Variants in CCDC102B observed in about 807,000 individuals in gnomAD.
CCDC102B encodes coiled-coil domain containing 102B.
In CCDC102B, 75 loss-of-function variants were observed where a neutral mutation model predicts 57.4. The ratio of observed to expected loss-of-function variants is 1.31; its 90% CI spans 1.08 to 1.58. CCDC102B has a LOEUF of 1.58. Ranked by LOEUF, CCDC102B falls within the 40% of genes most tolerant of loss-of-function variation. The pLI is 0.00. For synonymous variants in CCDC102B, 206 were observed against 201.9 expected, an observed-to-expected ratio of 1.02 and a Z score of -0.17; for missense variants, 636 against 582.6, an observed-to-expected ratio of 1.09 and a Z score of -0.94.
chr18:69,011,908 T>C (rs1599845905), intron 7 of CCDC102B, among the ~76,000 whole-genome samples: 1 of 152,178 alleles, frequency 6.6e-6, no homozygotes, highest in East Asian at 1.9e-4. Flanking sequence ...AGTAATTTAA[T>C]AATCAAACTT....
chr18:68,998,241 T>G (rs1237355491), intron 6 of CCDC102B, among the ~76,000 whole-genome samples: 2 of 151,942 alleles, frequency 1.3e-5, no homozygotes, highest in East Asian at 3.9e-4. Context: ...AGCTAAATTC[T>G]CAATTTAACT....
intron 1 of CCDC102B, among the ~76,000 whole-genome samples, chr18:68,827,971 C>T (rs1031914398): frequency 2.6e-5 from 4 of 151,868 alleles, no homozygotes; most frequent in East Asian, 3.9e-4. Flanking sequence ...AAACCCAACA[C>T]AGACACGGAG....
At chr18:68,902,144 G>C (rs1255130559) in intron 6 of CCDC102B, 1 of 152,116 alleles carries the variant, frequency 6.6e-6, no homozygotes, top group East Asian at 1.9e-4. Flanking sequence ...TCTACTACCA[G>C]AGTTATTTTT....
At chr18:68,879,990 C>T (rs1042482683) in intron 5 of CCDC102B, among the ~76,000 whole-genome samples, 15 of 152,334 alleles carry the variant, frequency 9.8e-5, no homozygotes, top group East Asian at 3.9e-4. Context: ...CTGTGCAGTG[C>T]GCATGCACTC....
intron 3 of CCDC102B, among the ~76,000 whole-genome samples, chr18:68,844,846 T>C (rs2144812786): frequency 6.6e-6 from 1 of 152,080 alleles, no homozygotes; most frequent in African/African-American, 2.4e-5. Context: ...TACTTTTCTA[T>C]CTGAAATTGT....
At chr18:69,053,395 C>T (rs2052755846) in intron 7 of CCDC102B, among the ~76,000 whole-genome samples, 1 of 150,858 alleles carries the variant, frequency 6.6e-6, no homozygotes, top group Non-Finnish European at 1.5e-5. Flanking sequence ...TGTTCAAAGC[C>T]ATGGGAATAA....
intron 2 of CCDC102B, among the ~76,000 whole-genome samples, chr18:68,752,769 T>C (rs1209929407): frequency 6.6e-6 from 1 of 152,212 alleles, no homozygotes; most frequent in Non-Finnish European, 1.5e-5. Context: ...TTTTGTATGA[T>C]TACAAGAGAT....
At chr18:68,870,103 C>T (rs1211516543) in intron 4 of CCDC102B, among the ~76,000 whole-genome samples, 1 of 152,058 alleles carries the variant, frequency 6.6e-6, no homozygotes, top group African/African-American at 2.4e-5. Context: ...GAACAGAAAA[C>T]CAAACACCGC....
At chr18:68,781,452 A>G (rs1474664581) in intron 2 of CCDC102B, among the ~76,000 whole-genome samples, 1 of 152,098 alleles carries the variant, frequency 6.6e-6, no homozygotes, top group Non-Finnish European at 1.5e-5. Flanking sequence ...TGGGGATTCC[A>G]TGGATGACCT....
chr18:68,865,682 T>G (rs2038947379), intron 4 of CCDC102B, among the ~76,000 whole-genome samples: 1 of 152,044 alleles, frequency 6.6e-6, no homozygotes. Flanking sequence ...TTTGCCAGAG[T>G]GAAAAAACAC....
At chr18:68,853,414 A>G (rs1271910265) in intron 4 of CCDC102B, among the ~76,000 whole-genome samples, 1 of 152,064 alleles carries the variant, frequency 6.6e-6, no homozygotes. Context: ...TGGAAAAAAG[A>G]CTAAATGCTA....
intron 6 of CCDC102B, among the ~76,000 whole-genome samples, chr18:68,978,035 T>C (rs1435997135): frequency 6.6e-6 from 1 of 151,970 alleles, no homozygotes. Flanking sequence ...AATGTGAAGG[T>C]AACAACTCAA....
At chr18:68,899,524 A>G (rs1454117359) in intron 6 of CCDC102B, among the ~76,000 whole-genome samples, 3 of 152,072 alleles carry the variant, frequency 2.0e-5, no homozygotes, top group African/African-American at 7.2e-5. Flanking sequence ...AGGTGCTAGC[A>G]TGTAAGGGAC....
At chr18:68,797,334 GT>G (rs1425689512), upstream of CCDC102B, among the ~76,000 whole-genome samples, 1 of 152,088 alleles carries the variant, frequency 6.6e-6, no homozygotes, top group Non-Finnish European at 1.5e-5. Context: ...AGGCTATCCT[GT>G]TACCTTTTGA....
At chr18:68,718,834 T>G (rs1178462786) in intron 2 of CCDC102B, among the ~76,000 whole-genome samples, 1 of 152,174 alleles carries the variant, frequency 6.6e-6, no homozygotes, top group East Asian at 1.9e-4. Flanking sequence ...GCATGTCTCA[T>G]TTAGTGGTGT....
chr18:69,048,869 AGAG>A (rs2052629522), intron 7 of CCDC102B, among the ~76,000 whole-genome samples: 1 of 152,084 alleles, frequency 6.6e-6, no homozygotes. Context: ...GACTTTGTAT[AGAG>A]GAGGATTGAT....
intron 6 of CCDC102B, among the ~76,000 whole-genome samples, chr18:68,997,430 G>C (rs1376554674): frequency 6.6e-6 from 1 of 152,048 alleles, no homozygotes; most frequent in African/African-American, 2.4e-5. Flanking sequence ...TTATCGGTAA[G>C]CATGTGCTTA....
chr18:68,902,451 T>A (rs1334699901), intron 6 of CCDC102B, among the ~76,000 whole-genome samples: 2 of 152,164 alleles, frequency 1.3e-5, no homozygotes, highest in Non-Finnish European at 2.9e-5. Context: ...TCCCCAACAT[T>A]ATATGGGTCA....
Position 69,055,111 on chromosome 18 carries a change from C to T in CCDC102B, c.*974C>T. 1.0e-6 allele frequency: 1 copy of T among 983,762 alleles called. No homozygotes were observed. The highest frequency in any genetic ancestry group is 1.2e-6 in the Non-Finnish European group (1 of 828,504). The allele number at this position is 983,762 out of a possible 1,614,324, so 60.9% of individuals were successfully genotyped here. On this transcript the variant is annotated 3_prime_UTR_variant, in exon 8 of 8. Transcript: ENST00000360242. Reference sequence around the variant, plus strand: ...TCAATAACATACTGGTTTTACTCATCTCCCCCTCCATTGATTAGCCAAAAA... The same window carrying T: ...TCAATAACATACTGGTTTTACTCATTTCCCCCTCCATTGATTAGCCAAAAA...
Sources: allele counts gnomAD v4.1 joint callset (sites outside exome capture counted in the v4.1 genomes callset), GRCh38; gene constraint gnomAD v4.1.1; transcripts MANE v1.5; gene names NCBI Gene and HGNC (gene_info 2026-07-23, HGNC 2026-07-21).